The following MSI2 variants were observed in gnomAD, a reference collection of about 807,000 sequenced individuals.
MSI2 encodes the protein RNA-binding protein Musashi homolog 2.
In MSI2, 17 loss-of-function variants were observed where a neutral mutation model predicts 45.6. That is an observed-to-expected ratio of 0.37 (90% confidence interval 0.26 to 0.56). The LOEUF (loss-of-function observed/expected upper bound fraction) is 0.56, where lower values mean the gene tolerates loss of function less well. MSI2 is among the 20% of genes least tolerant of loss of function. The pLI, the probability that MSI2 is intolerant of heterozygous loss-of-function variation, is 0.77. For missense variants in MSI2, 293 were observed against 444.2 expected (o/e 0.66, Z 3.06); for synonymous variants, 156 against 158.2 (o/e 0.99, Z 0.11).
chr17:57,318,604 A>G (rs1357078434), intron 5 of MSI2, among the ~76,000 whole-genome samples: 1 of 144,230 alleles, frequency 6.9e-6, no homozygotes, highest in African/African-American at 2.6e-5. Context: ...GGGTGCTGGG[A>G]CCTTCTGTGT....
intron 5 of MSI2, among the ~76,000 whole-genome samples, chr17:57,300,166 G>A (rs1911310992): frequency 6.6e-6 from 1 of 152,150 alleles, no homozygotes; most frequent in Admixed American, 6.5e-5. Flanking sequence ...GGCCTTTGGT[G>A]ACGTGCTGTC....
intron 5 of MSI2, among the ~76,000 whole-genome samples, chr17:57,297,325 A>AT (rs1479544811): frequency 3.3e-5 from 5 of 151,882 alleles, no homozygotes; most frequent in Non-Finnish European, 7.4e-5. Context: ...TAGTCAGATG[A>AT]TTTTTTGTGT....
intron 5 of MSI2, among the ~76,000 whole-genome samples, chr17:57,384,361 A>G (rs921794068): frequency 2.0e-5 from 3 of 152,162 alleles, no homozygotes; most frequent in Admixed American, 2.0e-4. Context: ...GGGATGATTC[A>G]AAGAATGGAG....
At chr17:57,299,055 G>A (rs746831023) in intron 5 of MSI2, among the ~76,000 whole-genome samples, 26 of 152,182 alleles carry the variant, frequency 1.7e-4, no homozygotes, top group Middle Eastern at 3.2e-3. Context: ...TCAAACAAAT[G>A]GCTTCTTTCC....
intron 5 of MSI2, among the ~76,000 whole-genome samples, chr17:57,341,345 A>C (rs924806519): frequency 6.6e-6 from 1 of 152,234 alleles, no homozygotes; most frequent in African/African-American, 2.4e-5. Context: ...TGCATTTAAA[A>C]GAAAGGTAAT....
chr17:57,515,049 T>C (rs975925876), intron 6 of MSI2, among the ~76,000 whole-genome samples: 2 of 152,328 alleles, frequency 1.3e-5, no homozygotes, highest in East Asian at 3.9e-4. Flanking sequence ...TGATAAATGA[T>C]TTTCCATACT....
chr17:57,325,460 A>G (rs1382938968), intron 5 of MSI2, among the ~76,000 whole-genome samples: 2 of 152,246 alleles, frequency 1.3e-5, no homozygotes, highest in African/African-American at 4.8e-5. Flanking sequence ...AAATACAAAA[A>G]TTATTAAAAA....
Position 57,603,538 on chromosome 17 carries a change from C to A in MSI2, c.537+6588C>A, listed in dbSNP as rs114877474. Among the ~76,000 whole-genome samples the A allele has an allele frequency of 5.2e-3, 796 of 152,314 alleles. 8 individuals are homozygous for A. Among genetic ancestry groups the A allele is most frequent in the African/African-American group, 0.018 (761 of 41,568 alleles). On this transcript the variant is annotated intron_variant, in intron 8 of 13. Coordinates refer to ENST00000284073, the MANE Select transcript of MSI2 (RefSeq NM_138962.4). Reference sequence around the variant, plus strand: ...TGCTTTGATACCTGGAGGTCTCGGCCTGTTCTGTTGTAGGGTATGTAATTG... The same window carrying A: ...TGCTTTGATACCTGGAGGTCTCGGCATGTTCTGTTGTAGGGTATGTAATTG...
At chr17:57,695,460 C>T in the MSI2 span, among the ~76,000 whole-genome samples, 1 of 152,284 alleles carries the variant, frequency 6.6e-6, no homozygotes, top group Non-Finnish European at 1.5e-5. Context: ...TTACTTCCCT[C>T]CATTTTCTGA....
chr17:57,512,768 CT>C (rs1314835458), intron 6 of MSI2, among the ~76,000 whole-genome samples: 1 of 152,118 alleles, frequency 6.6e-6, no homozygotes, highest in Non-Finnish European at 1.5e-5. Flanking sequence ...ATCCTGGGTA[CT>C]CCTTGCTCAG....
intron 5 of MSI2, among the ~76,000 whole-genome samples, chr17:57,322,433 A>G (rs1450927528): frequency 6.6e-6 from 1 of 152,224 alleles, no homozygotes; most frequent in East Asian, 1.9e-4. Flanking sequence ...CAAAATGGAA[A>G]TTTAAGTCAA....
the MSI2 span, among the ~76,000 whole-genome samples, chr17:57,696,755 A>G: frequency 6.6e-6 from 1 of 152,160 alleles, no homozygotes; most frequent in African/African-American, 2.4e-5. Flanking sequence ...ACAATTTTAA[A>G]AATAAATAAA....
intron 5 of MSI2, among the ~76,000 whole-genome samples, chr17:57,365,456 G>A (rs1917121304): frequency 6.6e-6 from 1 of 152,202 alleles, no homozygotes; most frequent in African/African-American, 2.4e-5. Context: ...GGAGCTCACA[G>A]GAAAGTGTGG....
At chr17:57,367,996 G>C (rs1917325287) in intron 5 of MSI2, among the ~76,000 whole-genome samples, 1 of 152,198 alleles carries the variant, frequency 6.6e-6, no homozygotes, top group South Asian at 2.1e-4. Context: ...ACATATGTAA[G>C]ATAAAGACCC....
At chr17:57,628,135 G>A (rs1908985084) in intron 10 of MSI2, 2 of 152,326 alleles carry the variant, frequency 1.3e-5, no homozygotes, top group South Asian at 4.1e-4. Context: ...GGACAGCCGA[G>A]ATTCCAGAGG....
intron 7 of MSI2, among the ~76,000 whole-genome samples, chr17:57,558,095 C>T (rs2087480706): frequency 6.6e-6 from 1 of 152,194 alleles, no homozygotes; most frequent in South Asian, 2.1e-4. Context: ...AGCTTGCCTG[C>T]TGCTGGCGTG....
At chr17:57,375,842 C>T (rs1158461355) in intron 5 of MSI2, among the ~76,000 whole-genome samples, 3 of 152,128 alleles carry the variant, frequency 2.0e-5, no homozygotes, top group Non-Finnish European at 4.4e-5. Flanking sequence ...TCCTTTCATT[C>T]GCGTTGCCCT....
At chr17:57,607,797 G>C (rs1413178150) in intron 8 of MSI2, among the ~76,000 whole-genome samples, 3 of 152,174 alleles carry the variant, frequency 2.0e-5, no homozygotes, top group Non-Finnish European at 4.4e-5. Context: ...TTTTACTCAC[G>C]GAGGAAGGCA....
At chr17:57,318,560 C>T (rs182047850) in intron 5 of MSI2, among the ~76,000 whole-genome samples, 2 of 150,292 alleles carry the variant, frequency 1.3e-5, no homozygotes, top group Admixed American at 1.3e-4. Context: ...AGGGTTGGGG[C>T]GTTGGTGCTG....
Sources: gnomAD v4.1 joint callset for allele counts (sites outside exome capture counted in the v4.1 genomes callset) on GRCh38, gnomAD v4.1.1 for gene constraint, MANE v1.5 for transcripts, NCBI Gene and HGNC (gene_info 2026-07-23, HGNC 2026-07-21) for gene names.